Variants in PTTG1IP2 observed in about 807,000 individuals in gnomAD.
PTTG1IP2 encodes the protein PTTG1IP family member 2.
intron 5 of PTTG1IP2, among the ~76,000 whole-genome samples, chr7:90,493,022 A>C (rs1797955772): frequency 6.6e-6 from 1 of 152,202 alleles, no homozygotes; most frequent in African/African-American, 2.4e-5. Context: ...ACCCAACTGG[A>C]GTCAAAATCA....
At chr7:90,509,419 G>T (rs1159473868) in intron 6 of PTTG1IP2, among the ~76,000 whole-genome samples, 3 of 152,144 alleles carry the variant, frequency 2.0e-5, no homozygotes, top group Non-Finnish European at 4.4e-5. Flanking sequence ...CCCTGGAAGA[G>T]ACCCCAAAGT....
chr7:90,511,964 G>T (rs894811183), intron 6 of PTTG1IP2, among the ~76,000 whole-genome samples: 1 of 152,146 alleles, frequency 6.6e-6, no homozygotes, highest in African/African-American at 2.4e-5. Context: ...ATGATACTTT[G>T]CACATAATAA....
intron 6 of PTTG1IP2, among the ~76,000 whole-genome samples, chr7:90,497,457 G>T (rs1221656804): frequency 1.3e-5 from 2 of 151,538 alleles, no homozygotes; most frequent in East Asian, 3.9e-4. Context: ...CCAGCTACTC[G>T]GGAGGCTGAG....
At chr7:90,506,062 T>G (rs1798121573) in intron 6 of PTTG1IP2, among the ~76,000 whole-genome samples, 1 of 150,818 alleles carries the variant, frequency 6.6e-6, no homozygotes, top group Non-Finnish European at 1.5e-5. Context: ...CTTTTCTCCC[T>G]TCATTTAAAT....
chr7:90,484,712 C>T (rs981348783), intron 2 of PTTG1IP2, among the ~76,000 whole-genome samples: 16 of 152,248 alleles, frequency 1.1e-4, no homozygotes, highest in African/African-American at 3.9e-4. Context: ...AGAAACCAAA[C>T]TCAAACTAAT....
chr7:90,483,167 A>G (rs1226511845), intron 2 of PTTG1IP2, among the ~76,000 whole-genome samples: 1 of 152,122 alleles, frequency 6.6e-6, no homozygotes. Context: ...GAATAAATAT[A>G]TGGACAACCA....
At chr7:90,482,926 AT>A (rs1797830354) in intron 2 of PTTG1IP2, among the ~76,000 whole-genome samples, 1 of 152,146 alleles carries the variant, frequency 6.6e-6, no homozygotes. Context: ...TACTTTATCT[AT>A]TGCACAGTTC....
rs1020519674 is a variant in PTTG1IP2, at chr7:90,485,035, T to A, written c.193-2292T>A. On this transcript the variant is annotated intron_variant, in intron 2 of 6. Coordinates refer to ENST00000509356, the MANE Select transcript of PTTG1IP2 (RefSeq NM_001365443.2). The stretch of plus-strand genomic sequence containing the variant: ...GGTCCAGCATTTGTTACTAGGCTAC[T>A]GCCTGGGTCAAAAGACTACTCCAGT... Among the ~76,000 whole-genome samples, 5 of 152,180 alleles carry A rather than the reference T, an allele frequency of 3.3e-5. 1 individual carries two copies. Among genetic ancestry groups the A allele is most frequent in the Admixed American group, 3.3e-4 (5 of 15,264 alleles).
intron 2 of PTTG1IP2, among the ~76,000 whole-genome samples, chr7:90,479,519 A>G (rs1437935126): frequency 2.6e-5 from 4 of 152,144 alleles, no homozygotes; most frequent in Non-Finnish European, 5.9e-5. Flanking sequence ...AAAAGAAAAG[A>G]ATTATTTGCT....
intron 4 of PTTG1IP2, among the ~76,000 whole-genome samples, chr7:90,489,674 T>C (rs1316844551): frequency 6.6e-6 from 1 of 151,902 alleles, no homozygotes; most frequent in African/African-American, 2.4e-5. Context: ...CACTCTAAAA[T>C]TTGTTAACTA....
chr7:90,476,888 G>A (rs878168), intron 1 of PTTG1IP2, among the ~76,000 whole-genome samples: 60,297 of 151,542 alleles, frequency 0.4, 13,004 homozygotes, highest in Non-Finnish European at 0.5. Flanking sequence ...TTTCCCTTGC[G>A]GATAAACTAT....
intron 1 of PTTG1IP2, among the ~76,000 whole-genome samples, chr7:90,476,109 GA>G: frequency 1.4e-5 from 1 of 73,820 alleles, no homozygotes; most frequent in East Asian, 4.6e-4. Flanking sequence ...ACAGACATCT[GA>G]AAAAAATACT....
In PTTG1IP2 at chr7:90,488,934, A is replaced by G. The variant is rs1797908016; in HGVS notation, c.350A>G (p.Tyr117Cys). 1 of 151,952 alleles carries G rather than the reference A, an allele frequency of 6.6e-6. No individual in the cohort carries two copies. Among genetic ancestry groups the G allele is most frequent in the South Asian group, 2.1e-4 (1 of 4,828 alleles). 9.4% of individuals were successfully genotyped at this position (151,952 alleles called of 1,614,324 possible). A position where few individuals can be genotyped will look rare whatever the true frequency, so the allele number is the denominator to read the frequency against. The change falls in exon 4 of 7, where the codon TAC becomes TGC. Residue 117 changes from tyrosine (Y) to cysteine (C), a missense_variant. Coordinates refer to ENST00000509356, the MANE Select transcript of PTTG1IP2 (RefSeq NM_001365443.2). ...GTATTAATTACAGGATTCGTTTGGT[A>G]CTGCTGCGCCTATCACTTTTACCTG... ...IAVLITGFVW[Y>C]CCAYHFYLQD...
intron 1 of PTTG1IP2, among the ~76,000 whole-genome samples, chr7:90,477,490 C>T (rs1797761380): frequency 6.6e-6 from 1 of 152,176 alleles, no homozygotes; most frequent in South Asian, 2.1e-4. Context: ...AGCCAAAACT[C>T]TTTTTCCATC....
chr7:90,490,446 A>G (rs1369844812), intron 4 of PTTG1IP2, among the ~76,000 whole-genome samples: 1 of 151,940 alleles, frequency 6.6e-6, no homozygotes, highest in Non-Finnish European at 1.5e-5. Context: ...AAAAAAAAAA[A>G]AAAAAGATAA....
chr7:90,482,660 A>G (rs1797826141), intron 2 of PTTG1IP2, among the ~76,000 whole-genome samples: 1 of 152,214 alleles, frequency 6.6e-6, no homozygotes, highest in Non-Finnish European at 1.5e-5. Context: ...GTCGTTATGC[A>G]TCCCTGTTGA....
intron 6 of PTTG1IP2, among the ~76,000 whole-genome samples, chr7:90,504,751 T>C (rs1300843115): frequency 6.6e-6 from 1 of 152,136 alleles, no homozygotes; most frequent in African/African-American, 2.4e-5. Context: ...TGAAAGAAGA[T>C]ATAAAGGGAA....
At chr7:90,502,725 A>C (rs1798073578) in intron 6 of PTTG1IP2, among the ~76,000 whole-genome samples, 1 of 152,198 alleles carries the variant, frequency 6.6e-6, no homozygotes, top group Non-Finnish European at 1.5e-5. Context: ...AAGCCTCAAC[A>C]GTGGGCTTAA....
chr7:90,510,405 A>G (rs1438046953), intron 6 of PTTG1IP2, among the ~76,000 whole-genome samples: 3 of 152,240 alleles, frequency 2.0e-5, no homozygotes, highest in Admixed American at 2.0e-4. Context: ...TCTAGAGTGA[A>G]TGAATGAAAA....
Sources: allele counts gnomAD v4.1 joint callset (sites outside exome capture counted in the v4.1 genomes callset), GRCh38; gene constraint gnomAD v4.1.1; transcripts MANE v1.5; gene names NCBI Gene and HGNC (gene_info 2026-07-23, HGNC 2026-07-21).